Variants in IGHMBP2 observed in about 807,000 individuals in gnomAD.
The protein encoded by IGHMBP2 is DNA-binding protein SMUBP-2.
IGHMBP2 carries 81 observed loss-of-function variants against 96.0 expected under a neutral mutation model. The observed-to-expected ratio is 0.84, with a 90% CI of 0.71 to 1.01. The LOEUF (loss-of-function observed/expected upper bound fraction) is 1.01, where lower values mean the gene tolerates loss of function less well. Among genes scored for constraint, IGHMBP2 ranks in the 50% least tolerant of loss-of-function variants. The probability of loss-of-function intolerance (pLI) is 0.00; values close to 1 mark genes in which losing one functional copy is unlikely to be tolerated. For synonymous variants in IGHMBP2, 557 were observed against 548.9 expected, an observed-to-expected ratio of 1.01 and a Z score of -0.21; for missense variants, 1,227 against 1,306.3, an observed-to-expected ratio of 0.94 and a Z score of 0.94.
At position 68,908,626 on chromosome 11, in the gene IGHMBP2, A is replaced by G; in HGVS notation, c.542A>G (p.Glu181Gly). 6.2e-7 allele frequency: 1 copy of G among 1,608,468 alleles called. No homozygotes were observed. The highest frequency in any genetic ancestry group is 8.5e-7 in the Non-Finnish European group (1 of 1,174,894). ...FGRSAPSPAS[E>G]IHPLTFFNTC... ...AGATCTGCTCCCAGTCCTGCCAGTG[A>G]AATACGTAAGAACTTCTGAGTTTTC... The change falls in exon 4 of 15, where the codon GAA becomes GGA. Residue 181 changes from glutamate to glycine, a missense_variant. Around this residue, in one of 3 missense-constraint regions of IGHMBP2, gnomAD observed 507 missense variants for 496.9 expected, o/e 1.02. Transcript: ENST00000255078.
rs987164176 is a variant in IGHMBP2 at position 68,933,963 on chromosome 11, C to A, written c.1537+50C>A. Reference sequence around the variant, plus strand: ...CTTTTTTGTTTAAACATACCTCCAGCTCTTTAAAAATAAAAGGCACTTTAA... The same window carrying A: ...CTTTTTTGTTTAAACATACCTCCAGATCTTTAAAAATAAAAGGCACTTTAA... On this transcript the variant is annotated intron_variant, in intron 10 of 14. Transcript: ENST00000255078. 4 of 1,254,350 alleles carry A rather than the reference C, an allele frequency of 3.2e-6. No individual in the cohort carries two copies. In the African/African-American group the frequency reaches 5.9e-5, roughly 19 times the overall value. The allele number at this position is 1,254,350 out of a possible 1,614,324, so 77.7% of individuals were successfully genotyped here.
intron 7 of IGHMBP2, among the ~76,000 whole-genome samples, chr11:68,920,619 A>T (rs1240642574): frequency 6.6e-6 from 1 of 152,158 alleles, no homozygotes; most frequent in Non-Finnish European, 1.5e-5. Context: ...AGTAGCTGGG[A>T]CAACAGACAC....
intron 4 of IGHMBP2, 42 bp from the exon 5 acceptor site, chr11:68,911,398 T>C: frequency 6.2e-7 from 1 of 1,607,622 alleles, no homozygotes. Context: ...CCCACAGAGC[T>C]CCCCAGAGCA....
rs1437576584 is a variant in IGHMBP2 at position 68,910,080 on chromosome 11, T to C, written c.548-1360T>C. ...AAGCGGTGGCTTTGGCCAAGCCTCATGCAAGGGTTACCCCACAGCTATTTT... is the reference window on the plus strand; with the variant it reads ...AAGCGGTGGCTTTGGCCAAGCCTCACGCAAGGGTTACCCCACAGCTATTTT... On this transcript the variant is annotated intron_variant, in intron 4 of 14. Coordinates refer to ENST00000255078, the MANE Select transcript of IGHMBP2 (RefSeq NM_002180.3). Among the ~76,000 whole-genome samples, 5 of 152,346 alleles carry C rather than the reference T, an allele frequency of 3.3e-5. No homozygotes were observed. The East Asian group carries it at 9.6e-4, about 29-fold the overall frequency.
rs1462509747 is a variant in IGHMBP2, at chr11:68,929,236, G to A, written c.1114G>A (p.Val372Met). 3 of 1,613,788 alleles carry A rather than the reference G, an allele frequency of 1.9e-6. No individual in the cohort carries two copies. The highest frequency in any genetic ancestry group is 3.3e-5 in the Admixed American group (2 of 60,012). Reference protein sequence around the residue: ...KLLPESYFDVVVIDECAQALE... With the variant: ...KLLPESYFDVMVIDECAQALE... ...GCTGCCCGAGAGCTACTTCGACGTGGTGGTCATTGACGAGTGTGCCCAGGC... is the reference window on the plus strand; with the variant it reads ...GCTGCCCGAGAGCTACTTCGACGTGATGGTCATTGACGAGTGTGCCCAGGC... Residue 372 changes from valine (V) to methionine (M), a missense_variant, in exon 8 of 15, where the codon GTG (valine) becomes ATG (methionine). By Grantham distance (21) the Val-to-Met change is conservative (BLOSUM62 1). Coordinates refer to ENST00000255078, the MANE Select transcript of IGHMBP2 (RefSeq NM_002180.3).
chr11:68,933,183 A>C, intron 8 of IGHMBP2, 116 bp from the exon 9 acceptor site: 1 of 1,086,748 alleles, frequency 9.2e-7, no homozygotes, highest in Non-Finnish European at 1.4e-6. Context: ...TCTGGGTCAG[A>C]ATCCAGGGGA....
In IGHMBP2 at chr11:68,939,786, T is replaced by G. The variant is rs938069013; in HGVS notation, c.*55T>G. 32 of 1,526,866 alleles carry G rather than the reference T, an allele frequency of 2.1e-5. No individual in the cohort carries two copies. In the South Asian group the frequency reaches 3.4e-4, roughly 16 times the overall value. 94.6% of individuals were successfully genotyped at this position (1,526,866 alleles called of 1,614,324 possible). On this transcript the variant is annotated 3_prime_UTR_variant, in exon 15 of 15. Coordinates refer to ENST00000255078, the MANE Select transcript of IGHMBP2 (RefSeq NM_002180.3). ...CTCTCTCCATGGTAGCCCAGGGCGC[T>G]GGCAGACCATGCTCCGCCTCCACCA... is the stretch of plus-strand genomic sequence containing the variant.
Position 68,939,680 on chromosome 11 carries a change from G to C in IGHMBP2, c.2931G>C (p.Leu977=), listed in dbSNP as rs768924538. The part of the protein sequence containing the change: ...AQLQRRLDKK[L]SELSNQRTSR... The stretch of plus-strand genomic sequence containing the variant: ...TGCAGAGGAGGCTGGATAAGAAGCT[G>C]AGTGAGCTCAGCAACCAGAGGACCA... The change falls in exon 15 of 15, where the codon CTG becomes CTC. Residue 977 remains leucine, a synonymous_variant. Coordinates refer to ENST00000255078, the MANE Select transcript of IGHMBP2 (RefSeq NM_002180.3). 2.0e-5 allele frequency: 33 copies of C among 1,612,780 alleles called. No individual in the cohort carries two copies. Among genetic ancestry groups the C allele is most frequent in the Non-Finnish European group, 2.7e-5 (32 of 1,179,732 alleles).
rs114342350 is a variant in IGHMBP2 at position 68,927,135 on chromosome 11, G to T, written c.1061-2048G>T. On this transcript the variant is annotated intron_variant, in intron 7 of 14. Transcript: ENST00000255078. ...TTCCTGACTCTCTACGTGCCTTGTA[G>T]TTTTTTGTTGAAAATGGATGATTTT... Among the ~76,000 whole-genome samples the T allele has an allele frequency of 2.3e-3, 350 of 152,300 alleles. 1 individual carries two copies. Among genetic ancestry groups the T allele is most frequent in the African/African-American group, 7.3e-3 (302 of 41,560 alleles).
intron 7 of IGHMBP2, among the ~76,000 whole-genome samples, chr11:68,919,577 G>A (rs918419202): frequency 4.6e-5 from 7 of 152,214 alleles, no homozygotes; most frequent in African/African-American, 1.4e-4. Context: ...TTGATAGAAC[G>A]TGTGTTCTGA....
chr11:68,904,098 T>C (rs1858075835), intron 1 of IGHMBP2, 60 bp downstream of exon 1: 1 of 1,337,864 alleles, frequency 7.5e-7, no homozygotes, highest in African/African-American at 1.4e-5. Context: ...CCGGGCAGAG[T>C]CTCCGAGGGG....
chr11:68,906,124 C>G lies in IGHMBP2; in HGVS notation c.142C>G (p.Leu48Val). Reference sequence around the variant, plus strand: ...GCTCCAGAGCCGAGGCGTGTGTTTGCTGAAGCTGCAGGTATCCAGCCAGCG... The same window carrying G: ...GCTCCAGAGCCGAGGCGTGTGTTTGGTGAAGCTGCAGGTATCCAGCCAGCG... ...KELQSRGVCL[L>V]KLQVSSQRTG... is the part of the protein sequence containing the mutation. The change falls in exon 2 of 15, where the codon CTG becomes GTG. Residue 48 changes from leucine (L) to valine (V), a missense_variant. By Grantham distance (32) the Leu-to-Val change is conservative. This residue lies in a region of IGHMBP2 where 507 missense variants were observed against 496.9 expected (regional missense o/e 1.02). Transcript: ENST00000255078. The G allele has an allele frequency of 6.2e-7, 1 of 1,614,200 alleles. No individual in the cohort carries two copies.
Position 68,933,923 on chromosome 11 carries a change from C to T in IGHMBP2, c.1537+10C>T, listed in dbSNP as rs776457480. ...TCGAAAGGGAACCCTGGTGAGCTTG[C>T]TTGCAGATGGCCAGCTTTTTTGTTT... On this transcript the variant is annotated intron_variant, in intron 10 of 14. Coordinates refer to ENST00000255078, the MANE Select transcript of IGHMBP2 (RefSeq NM_002180.3). 3 of 1,555,460 alleles carry T rather than the reference C, an allele frequency of 1.9e-6. No individual in the cohort carries two copies. The East Asian group carries it at 6.9e-5, about 36-fold the overall frequency.
intron 7 of IGHMBP2, among the ~76,000 whole-genome samples, chr11:68,918,230 A>T (rs1432291774): frequency 6.6e-6 from 1 of 151,610 alleles, no homozygotes; most frequent in African/African-American, 2.4e-5. Context: ...ATCTGTCATG[A>T]TATAACCTGT....
At chr11:68,905,702 C>G (rs1415026648) in intron 1 of IGHMBP2, among the ~76,000 whole-genome samples, 1 of 152,182 alleles carries the variant, frequency 6.6e-6, no homozygotes, top group Non-Finnish European at 1.5e-5. Flanking sequence ...TTGAGAGGCT[C>G]TGTTTAGTCC....
chr11:68,910,947 G>A (rs1358294224), intron 4 of IGHMBP2, among the ~76,000 whole-genome samples: 2 of 151,218 alleles, frequency 1.3e-5, no homozygotes, highest in Non-Finnish European at 2.9e-5. Context: ...ATAGAAACAC[G>A]ATCCTAGAAT....
chr11:68,918,233 T>C (rs1858744500), intron 7 of IGHMBP2, among the ~76,000 whole-genome samples: 1 of 152,126 alleles, frequency 6.6e-6, no homozygotes. Flanking sequence ...TGTCATGATA[T>C]AACCTGTATT....
chr11:68,935,698 G>A (rs771758243), intron 12 of IGHMBP2, among the ~76,000 whole-genome samples: 5 of 152,246 alleles, frequency 3.3e-5, no homozygotes, highest in Non-Finnish European at 7.3e-5. Context: ...CCGAGGAGGT[G>A]AAGCCCCCTG....
intron 4 of IGHMBP2, 98 bp from the exon 5 acceptor site, chr11:68,911,342 C>A: frequency 1.6e-6 from 2 of 1,240,822 alleles, no homozygotes; most frequent in Non-Finnish European, 1.2e-6. Flanking sequence ...GTGTTCCTGA[C>A]AGGCATCACT....
Sources: allele counts gnomAD v4.1 joint callset (sites outside exome capture counted in the v4.1 genomes callset), GRCh38; gene constraint gnomAD v4.1.1; regional missense constraint gnomAD v4.1.1; transcripts MANE v1.5; gene names NCBI Gene and HGNC (gene_info 2026-07-23, HGNC 2026-07-21).